C1GALT1: variants seen among roughly 807,000 people sequenced by gnomAD.
C1GALT1 encodes the protein glycoprotein-N-acetylgalactosamine 3-beta-galactosyltransferase 1.
A neutral mutation model predicts 31.0 loss-of-function variants in C1GALT1; 11 were observed. The observed-to-expected ratio is 0.36, with a 90% confidence interval of 0.22 to 0.59. The LOEUF is 0.59. C1GALT1 is among the 20% of genes least tolerant of loss of function. C1GALT1 has a pLI of 0.79. For synonymous variants in C1GALT1, 175 were observed against 143.6 expected (o/e 1.22, Z -1.56); for missense variants, 424 against 425.2 (o/e 1.00, Z 0.03).
Position 7,199,934 on chromosome 7 carries a change from C to G in C1GALT1, c.-18+17114C>G, listed in dbSNP as rs1374343426. ...CCCTTTATTTTGAGCCTATGTGTGT[C>G]TCTGCACGTGAGATGGGTCTCCTGA... On this transcript the variant is annotated intron_variant, in intron 1 of 3. Transcript: ENST00000436587. 4.6e-5 allele frequency among the ~76,000 whole-genome samples: 7 copies of G among 152,078 alleles called. No individual in the cohort carries two copies. In the East Asian group the frequency reaches 9.6e-4, roughly 21 times the overall value.
rs146635997 is a variant in C1GALT1 at position 7,189,460 on chromosome 7, A to G, written c.-18+6640A>G. On this transcript the variant is annotated intron_variant, in intron 1 of 3. Coordinates refer to ENST00000436587, the MANE Select transcript of C1GALT1 (RefSeq NM_020156.5). Reference sequence around the variant, plus strand: ...TTAATAAACTTTAAAAGTTTTGCCAATATGTTAGGTTAAAAATAATATCTC... The same window carrying G: ...TTAATAAACTTTAAAAGTTTTGCCAGTATGTTAGGTTAAAAATAATATCTC... Among the ~76,000 whole-genome samples, 1,050 of 152,274 alleles carry G rather than the reference A, an allele frequency of 6.9e-3. 6 individuals carry two copies. Among genetic ancestry groups the G allele is most frequent in the Middle Eastern group, 0.014 (4 of 294 alleles).
At chr7:7,205,288 TTC>T (rs1410504115) in intron 1 of C1GALT1, among the ~76,000 whole-genome samples, 1 of 152,224 alleles carries the variant, frequency 6.6e-6, no homozygotes, top group African/African-American at 2.4e-5. Context: ...CTTTTGACTT[TTC>T]TAAAGTTTAC....
rs1783452064 is a variant in C1GALT1 at position 7,238,149 on chromosome 7, A to T, written c.221-106A>T. 1 of 1,105,090 alleles carries T rather than the reference A, an allele frequency of 9.0e-7. No homozygotes were observed. Among genetic ancestry groups the T allele is most frequent in the South Asian group, 1.7e-5 (1 of 58,576 alleles). 68.5% of individuals were successfully genotyped at this position (1,105,090 alleles called of 1,614,324 possible). The stretch of plus-strand genomic sequence containing the variant: ...CTTTGGCTAAATCACTAATAGAGGG[A>T]TAAATAGGGACTTTGAAATTAGGAC... On this transcript the variant is annotated intron_variant, in intron 2 of 3. Coordinates refer to ENST00000436587, the MANE Select transcript of C1GALT1 (RefSeq NM_020156.5). The surrounding 1 kb of genome is among the most constrained non-coding windows in gnomAD (Gnocchi z 5.2).
intron 2 of C1GALT1, among the ~76,000 whole-genome samples, chr7:7,235,484 A>G (rs1484236892): frequency 1.3e-5 from 2 of 152,206 alleles, no homozygotes; most frequent in South Asian, 2.1e-4. Context: ...GCTCTGAGCA[A>G]GTGCTCTGTG....
intron 2 of C1GALT1, among the ~76,000 whole-genome samples, chr7:7,158,007 C>G (rs925878780): frequency 6.6e-6 from 1 of 152,114 alleles, no homozygotes; most frequent in African/African-American, 2.4e-5. Context: ...AAGTAGTTTC[C>G]TCAAGTTGCT....
At chr7:7,234,770 G>T in intron 2 of C1GALT1, 1 of 396,856 alleles carries the variant, frequency 2.5e-6, no homozygotes, top group South Asian at 3.8e-5. Flanking sequence ...ATGATTTGGG[G>T]AAGGGCATAA....
chr7:7,193,421 C>A (rs889315617), intron 1 of C1GALT1, among the ~76,000 whole-genome samples: 2 of 152,136 alleles, frequency 1.3e-5, no homozygotes, highest in Non-Finnish European at 2.9e-5. Flanking sequence ...TGTCCTTTCC[C>A]CACTTTACGT....
chr7:7,171,559 G>T (rs1780454645), intron 2 of C1GALT1, among the ~76,000 whole-genome samples: 1 of 152,032 alleles, frequency 6.6e-6, no homozygotes, highest in African/African-American at 2.4e-5. Context: ...GCCTTTGAGT[G>T]AATAGTTTAA....
intron 1 of C1GALT1, among the ~76,000 whole-genome samples, chr7:7,191,019 T>A (rs1194817190): frequency 6.6e-6 from 1 of 152,182 alleles, no homozygotes; most frequent in African/African-American, 2.4e-5. Flanking sequence ...TAATCATTTT[T>A]AAGTTTATAG....
At chr7:7,230,212 T>C (rs1268871403) in intron 1 of C1GALT1, among the ~76,000 whole-genome samples, 1 of 152,212 alleles carries the variant, frequency 6.6e-6, no homozygotes, top group Non-Finnish European at 1.5e-5. Context: ...ATTAAGTATG[T>C]ACTTAATGGG....
At chr7:7,240,498 C>A (rs1353596897) in intron 3 of C1GALT1, among the ~76,000 whole-genome samples, 1 of 152,032 alleles carries the variant, frequency 6.6e-6, no homozygotes. Flanking sequence ...ATGACTTGAT[C>A]TTTTTTCCTT....
chr7:7,227,836 C>G (rs1288477319), intron 1 of C1GALT1, among the ~76,000 whole-genome samples: 1 of 152,178 alleles, frequency 6.6e-6, no homozygotes, highest in African/African-American at 2.4e-5. Context: ...GAGTCCTCAA[C>G]AGCAAGAAGG....
intron 1 of C1GALT1, among the ~76,000 whole-genome samples, chr7:7,211,007 T>C (rs1430061406): frequency 6.6e-6 from 1 of 152,184 alleles, no homozygotes; most frequent in Non-Finnish European, 1.5e-5. Flanking sequence ...TTAGAGGGTT[T>C]TGGGCAACAA....
At chr7:7,236,016 A>T (rs1164355736) in intron 2 of C1GALT1, among the ~76,000 whole-genome samples, 1 of 152,030 alleles carries the variant, frequency 6.6e-6, no homozygotes, top group African/African-American at 2.4e-5. Flanking sequence ...TTTCTGTATT[A>T]TGTCTTTATT....
intron 1 of C1GALT1, chr7:7,183,549 T>C: frequency 1.0e-6 from 1 of 984,550 alleles, no homozygotes; most frequent in Non-Finnish European, 1.2e-6. Flanking sequence ...CAAATTGTGA[T>C]GGAATTAGTA....
intron 2 of C1GALT1, among the ~76,000 whole-genome samples, chr7:7,169,736 A>G (rs2128227225): frequency 6.6e-6 from 1 of 152,106 alleles, no homozygotes; most frequent in East Asian, 1.9e-4. Flanking sequence ...TTTGTCTTTT[A>G]AGTATGTTGT....
intron 1 of C1GALT1, among the ~76,000 whole-genome samples, chr7:7,207,472 G>A (rs1422424360): frequency 6.8e-6 from 1 of 148,022 alleles, no homozygotes; most frequent in East Asian, 2.0e-4. Flanking sequence ...CACTGTGCCT[G>A]GCTCAGATTT....
intron 2 of C1GALT1, among the ~76,000 whole-genome samples, chr7:7,165,173 G>C (rs1462005018): frequency 1.3e-5 from 2 of 152,140 alleles, no homozygotes; most frequent in Non-Finnish European, 2.9e-5. Context: ...CCAGATAACT[G>C]AAAGACAGAA....
intron 1 of C1GALT1, among the ~76,000 whole-genome samples, chr7:7,223,292 GGGAT>G: frequency 6.6e-6 from 1 of 152,226 alleles, no homozygotes; most frequent in East Asian, 1.9e-4. Flanking sequence ...CCCAGTAGCT[GGGAT>G]CACAGGCACC....
Sources: allele counts gnomAD v4.1 joint callset (sites outside exome capture counted in the v4.1 genomes callset), GRCh38; gene constraint gnomAD v4.1.1; non-coding constraint Gnocchi (gnomAD v3.1); transcripts MANE v1.5; gene names NCBI Gene and HGNC (gene_info 2026-07-23, HGNC 2026-07-21).